Variants in RXRA observed in about 807,000 individuals in gnomAD.
RXRA encodes the protein retinoid X receptor alpha, also known as retinoic acid receptor RXR-alpha.
Under a neutral mutation model 44.5 loss-of-function variants are expected in RXRA, and 5 were observed. The ratio of observed to expected loss-of-function variants is 0.11; its 90% CI spans 0.06 to 0.24. RXRA has a LOEUF of 0.24. RXRA is among the 10% of genes least tolerant of loss of function. The pLI is 1.00. For missense variants in RXRA, 412 were observed against 646.5 expected (o/e 0.64, Z 3.93); for synonymous variants, 291 against 271.4 (o/e 1.07, Z -0.71).
chr9:134,423,407 G>A (rs1334581919), intron 6 of RXRA: 1 of 985,464 alleles, frequency 1.0e-6, no homozygotes, highest in Middle Eastern at 5.2e-4. Context: ...ATACAAGGCG[G>A]CTCCTAAGTG....
intron 1 of RXRA, among the ~76,000 whole-genome samples, chr9:134,397,229 C>A (rs916619636): frequency 6.6e-6 from 1 of 152,192 alleles, no homozygotes; most frequent in Non-Finnish European, 1.5e-5. Flanking sequence ...CTGAGTGGTG[C>A]CTGCATACAC....
intron 1 of RXRA, among the ~76,000 whole-genome samples, chr9:134,338,731 C>T (rs1220526275): frequency 1.3e-5 from 2 of 152,214 alleles, no homozygotes; most frequent in Non-Finnish European, 2.9e-5. Context: ...CTCCCTGCAG[C>T]CGGCACCCCA....
In RXRA at chr9:134,436,462, T is replaced by C; in HGVS notation, c.1242-5T>C. 1 of 1,613,768 alleles carries C rather than the reference T, an allele frequency of 6.2e-7. No individual in the cohort carries two copies. Among genetic ancestry groups the C allele is most frequent in the Non-Finnish European group, 8.5e-7 (1 of 1,179,916 alleles). On this transcript the variant is annotated splice_polypyrimidine_tract_variant and splice_region_variant and intron_variant, in intron 9 of 9. Transcript: ENST00000481739. ...CCCGGCCCTCACCAGACCTGTTCCC[T>C]GCAGGTTCGCTAAGCTCTTGCTCCG...
At chr9:134,352,916 C>G (rs1554749646) in intron 1 of RXRA, among the ~76,000 whole-genome samples, 1 of 152,188 alleles carries the variant, frequency 6.6e-6, no homozygotes, top group Non-Finnish European at 1.5e-5. Flanking sequence ...GAAGTACGTC[C>G]TCAGCCTGCT....
At chr9:134,386,376 G>A (rs899103217) in intron 1 of RXRA, among the ~76,000 whole-genome samples, 3 of 152,378 alleles carry the variant, frequency 2.0e-5, no homozygotes, top group African/African-American at 7.2e-5. Flanking sequence ...GCGGGGGACC[G>A]CAGGTGGCTG....
rs900840888 is a variant in RXRA, at chr9:134,435,051, C to T, written c.1241+844C>T. On this transcript the variant is annotated intron_variant, in intron 9 of 9. Coordinates refer to ENST00000481739, the MANE Select transcript of RXRA (RefSeq NM_002957.6). ...CAGGCAGCTTGTTTTTCCTGGCTTT[C>T]TGCCCTGGCCCATCTCGCCAGCTCA... Among the ~76,000 whole-genome samples the T allele has an allele frequency of 2.6e-5, 4 of 152,342 alleles. No homozygotes were observed. In the East Asian group the frequency reaches 7.7e-4, roughly 29 times the overall value.
At chr9:134,328,990 G>A (rs1554746328) in intron 1 of RXRA, among the ~76,000 whole-genome samples, 1 of 152,242 alleles carries the variant, frequency 6.6e-6, no homozygotes, top group African/African-American at 2.4e-5. Context: ...CAGCTTCCTG[G>A]CCCTGCTGCC....
intron 2 of RXRA, chr9:134,406,215 G>A (rs1831047443): frequency 6.6e-6 from 1 of 151,670 alleles, no homozygotes; most frequent in African/African-American, 2.4e-5. Flanking sequence ...GGGCAACATA[G>A]TTGAGACCCC....
intron 1 of RXRA, among the ~76,000 whole-genome samples, chr9:134,367,180 C>T (rs898993777): frequency 5.3e-5 from 8 of 152,212 alleles, no homozygotes; most frequent in East Asian, 3.8e-4. Context: ...GCCCCGTGCC[C>T]GCTGGAGCTG....
At chr9:134,348,703 A>G (rs1402125161) in intron 1 of RXRA, among the ~76,000 whole-genome samples, 1 of 152,198 alleles carries the variant, frequency 6.6e-6, no homozygotes, top group African/African-American at 2.4e-5. Context: ...CCTAGGCTGC[A>G]TGGCACCTGC....
At chr9:134,435,315 G>A (rs1054234296) in intron 9 of RXRA, among the ~76,000 whole-genome samples, 11 of 152,282 alleles carry the variant, frequency 7.2e-5, no homozygotes, top group South Asian at 6.2e-4. Context: ...ATAGCACCCT[G>A]TCCTCAGCGG....
chr9:134,346,485 A>G (rs1554748820), intron 1 of RXRA, among the ~76,000 whole-genome samples: 2 of 151,718 alleles, frequency 1.3e-5, no homozygotes, highest in East Asian at 3.9e-4. Flanking sequence ...CCTTCTGAGC[A>G]CTCACCAGGT....
intron 6 of RXRA, chr9:134,427,021 C>T (rs1404303812): frequency 8.1e-6 from 8 of 981,836 alleles, no homozygotes; most frequent in Non-Finnish European, 8.5e-6. Context: ...TGGGAGTGGG[C>T]CCGGGGCTCC....
In RXRA at chr9:134,349,769, G is replaced by A. The variant is rs746196579; in HGVS notation, c.28+23110G>A. On this transcript the variant is annotated intron_variant, in intron 1 of 9. Coordinates refer to ENST00000481739, the MANE Select transcript of RXRA (RefSeq NM_002957.6). The surrounding 1 kb of genome is among the most constrained non-coding windows in gnomAD (Gnocchi z 4.3). ...TTCCCCAGGGCTGGGCCAGCCTGGC[G>A]GTGTCCACCCAGGAAGGCTGCTTGG... 1.3e-5 allele frequency among the ~76,000 whole-genome samples: 2 copies of A among 148,288 alleles called. No individual in the cohort carries two copies. Among genetic ancestry groups the A allele is most frequent in the Non-Finnish European group, 3.0e-5 (2 of 66,860 alleles).
At chr9:134,422,263 C>T in intron 6 of RXRA, 19 of 1,289,274 alleles carry the variant, frequency 1.5e-5, no homozygotes, top group Non-Finnish European at 1.9e-5. Context: ...TCCCAGGACG[C>T]TCCCCGCTCC....
In RXRA at chr9:134,438,533, G is replaced by A. The variant is rs35478239; in HGVS notation, c.*1919G>A. The A allele has an allele frequency of 7.3e-3, 1,110 of 152,592 alleles. 10 individuals are homozygous for A. The highest frequency in any genetic ancestry group is 0.025 in the African/African-American group (1,041 of 41,570). 9.5% of individuals were successfully genotyped at this position (152,592 alleles called of 1,614,324 possible). A position where few individuals can be genotyped will look rare whatever the true frequency, so the allele number is the denominator to read the frequency against. On this transcript the variant is annotated 3_prime_UTR_variant, in exon 10 of 10. Transcript: ENST00000481739. The stretch of plus-strand genomic sequence containing the variant: ...GGCCCCCTGCCCGATCCACCGTCCT[G>A]AGGCAGAGTGTTGAGCCTCATACCT...
At chr9:134,377,868 C>T (rs964716738) in intron 1 of RXRA, among the ~76,000 whole-genome samples, 1 of 152,210 alleles carries the variant, frequency 6.6e-6, no homozygotes, top group Admixed American at 6.5e-5. Context: ...GTATGGGGGA[C>T]GTTGCGTGAG....
intron 9 of RXRA, among the ~76,000 whole-genome samples, chr9:134,435,387 T>G (rs1041641016): frequency 1.4e-5 from 1 of 69,588 alleles, no homozygotes. Context: ...ACTTCCCCCC[T>G]CCCTCCCGCC....
chr9:134,337,642 G>A (rs1554747511), intron 1 of RXRA, among the ~76,000 whole-genome samples: 1 of 152,162 alleles, frequency 6.6e-6, no homozygotes, highest in African/African-American at 2.4e-5. Context: ...GCAGAGAGTT[G>A]GGGCTTTTGA....
Sources: gnomAD v4.1 joint callset for allele counts (sites outside exome capture counted in the v4.1 genomes callset) on GRCh38, gnomAD v4.1.1 for gene constraint, Gnocchi (gnomAD v3.1) non-coding constraint, MANE v1.5 for transcripts, NCBI Gene and HGNC (gene_info 2026-07-23, HGNC 2026-07-21) for gene names.